The following GAB3 variants were observed in gnomAD, a reference collection of about 807,000 sequenced individuals.
The protein encoded by GAB3 is GRB2 associated binding protein 3.
In GAB3, 12 loss-of-function variants were observed where a neutral mutation model predicts 40.4. That is an observed-to-expected ratio of 0.30 (90% CI 0.19 to 0.48). The LOEUF (loss-of-function observed/expected upper bound fraction) is 0.48, where lower values mean the gene tolerates loss of function less well. GAB3 is among the 20% of genes least tolerant of loss of function. The pLI is 0.99. For synonymous variants in GAB3, 154 were observed against 176.7 expected, an observed-to-expected ratio of 0.87 and a Z score of 1.02; for missense variants, 381 against 461.9, an observed-to-expected ratio of 0.82 and a Z score of 1.61.
At chrX:154,688,261 T>G (rs781923001) in intron 8 of GAB3, among the ~76,000 whole-genome samples, 2 of 109,942 alleles carry the variant, frequency 1.8e-5, no homozygotes, top group East Asian at 5.7e-4. Context: ...ATTGGAGGAC[T>G]TGGGTTTTTT....
intron 9 of GAB3, chrX:154,679,457 C>A (rs2070344588): frequency 4.9e-6 from 1 of 202,956 alleles, no homozygotes; most frequent in Non-Finnish European, 9.4e-6. Context: ...CAGCTTTTCT[C>A]CAGTCTCATA....
rs371001859 is a variant in GAB3 at position 154,678,100 on chromosome X, C to CAAA, written c.*75_*77dup. 80 of 405,197 alleles carry CAAA rather than the reference C, an allele frequency of 2.0e-4. No individual in the cohort carries two copies. The highest frequency in any genetic ancestry group is 3.4e-4 in the Admixed American group (7 of 20,547). The allele number at this position is 405,197 out of a possible 1,213,427, so 33.4% of individuals were successfully genotyped here. Reference sequence around the variant, plus strand: ...TGACCATCAGTGTGTTTTTAGTGGACAAAAAAAAAAAAAAAAGAAAAAACT... The same window carrying CAAA: ...TGACCATCAGTGTGTTTTTAGTGGACAAAAAAAAAAAAAAAAAAAGAAAAAACT... On this transcript the variant is annotated 3_prime_UTR_variant, in exon 10 of 10. Transcript: ENST00000424127.
chrX:154,745,405 T>C (rs919661014), intron 1 of GAB3, among the ~76,000 whole-genome samples: 8 of 109,598 alleles, frequency 7.3e-5, no homozygotes, highest in African/African-American at 2.7e-4. Context: ...AAATCAGTAA[T>C]TTAAGTTTCC....
At chrX:154,685,196 A>C (rs1229027461) in intron 8 of GAB3, among the ~76,000 whole-genome samples, 4 of 111,471 alleles carry the variant, frequency 3.6e-5, no homozygotes, top group Non-Finnish European at 5.7e-5. Flanking sequence ...TTTCTCATTT[A>C]TTTCTTTAAA....
chrX:154,680,571 CTTA>C (rs2070359981), intron 8 of GAB3, among the ~76,000 whole-genome samples: 1 of 112,183 alleles, frequency 8.9e-6, no homozygotes, highest in African/African-American at 3.2e-5. Context: ...ATCAACTATA[CTTA>C]TTAAAGTTCT....
At chrX:154,744,742 T>C (rs1218959245) in intron 1 of GAB3, among the ~76,000 whole-genome samples, 3 of 112,485 alleles carry the variant, frequency 2.7e-5, no homozygotes, top group Non-Finnish European at 3.8e-5. Flanking sequence ...AATACATATT[T>C]TTTCAAGTGC....
In GAB3 at chrX:154,712,407, T is replaced by G; in HGVS notation, c.891A>C (p.Gly297=). ...TGGACATAATGTCTAGTTCTTTTGC[T>G]CCACAGGGTAAGGAACCTTGATTTT... The part of the protein sequence containing the change: ...VDKNQGSLPC[G]AKELDIMSNT... Residue 297 remains glycine (G), a synonymous_variant, in exon 4 of 10, where the codon GGA becomes GGC. Transcript: ENST00000424127. 8.3e-7 allele frequency: 1 copy of G among 1,211,598 alleles called. No homozygotes were observed. The highest frequency in any genetic ancestry group is 1.1e-6 in the Non-Finnish European group (1 of 895,405).
intron 9 of GAB3, among the ~76,000 whole-genome samples, chrX:154,678,732 T>A (rs1569557093): frequency 8.9e-6 from 1 of 112,005 alleles, no homozygotes; most frequent in Non-Finnish European, 1.9e-5. Flanking sequence ...GATCTGATAG[T>A]TTTATAAGGG....
Position 154,712,678 on chromosome X carries a change from C to T in GAB3, c.620G>A (p.Trp207Ter). The change falls in exon 4 of 10, where the codon TGG becomes TAG. Residue 207 changes from tryptophan (W) to a stop codon, truncating the protein, a stop_gained. Transcript: ENST00000424127. LOFTEE classifies it high-confidence loss of function. The stretch of plus-strand genomic sequence containing the variant: ...TTCCAATGAACGGTCTGAGTTTGAC[C>T]AGCTATCACATCTGGTGGGTAGACT... ...HTSLPTRCDS[W>*]SNSDRSLEQA... 1 of 1,122,265 alleles carries T rather than the reference C, an allele frequency of 8.9e-7. No homozygotes were observed. Among genetic ancestry groups the T allele is most frequent in the Non-Finnish European group, 1.2e-6 (1 of 850,622 alleles). The allele number at this position is 1,122,265 out of a possible 1,213,427, so 92.5% of individuals were successfully genotyped here.
intron 4 of GAB3, among the ~76,000 whole-genome samples, chrX:154,704,276 G>A (rs782214826): frequency 1.0e-3 from 112 of 110,139 alleles, no homozygotes; most frequent in African/African-American, 3.5e-3. Context: ...GGGGCTGTGG[G>A]GGAAGTGGGG....
intron 1 of GAB3, among the ~76,000 whole-genome samples, chrX:154,735,925 C>T (rs1449230600): frequency 8.9e-6 from 1 of 112,573 alleles, no homozygotes; most frequent in African/African-American, 3.2e-5. Flanking sequence ...GCTTCAGAGG[C>T]TGTACATTGT....
At chrX:154,701,398 A>G (rs782238548) in intron 4 of GAB3, among the ~76,000 whole-genome samples, 15 of 112,653 alleles carry the variant, frequency 1.3e-4, no homozygotes, top group African/African-American at 4.8e-4. Context: ...ACATAGGTAT[A>G]ATCCATGTGC....
intron 8 of GAB3, among the ~76,000 whole-genome samples, chrX:154,690,154 C>CA (rs1569557216): frequency 1.1e-4 from 12 of 108,352 alleles, no homozygotes; most frequent in African/African-American, 4.0e-4. Flanking sequence ...CTGAGAAAAA[C>CA]AAGCAATGGG....
chrX:154,707,032 C>T (rs2070821513), intron 4 of GAB3, among the ~76,000 whole-genome samples: 1 of 109,885 alleles, frequency 9.1e-6, no homozygotes, highest in South Asian at 3.8e-4. Context: ...GGTATGAAAA[C>T]AGACACATAG....
At chrX:154,735,648 A>T (rs1021869011) in intron 1 of GAB3, among the ~76,000 whole-genome samples, 7 of 112,175 alleles carry the variant, frequency 6.2e-5, no homozygotes, top group Admixed American at 1.9e-4. Flanking sequence ...GTATCACTGC[A>T]CTAGCCCCTC....
At chrX:154,687,633 C>CAA (rs144999605) in intron 8 of GAB3, among the ~76,000 whole-genome samples, 170 of 22,797 alleles carry the variant, frequency 7.5e-3, no homozygotes, top group Middle Eastern at 0.028. Context: ...GACTCTGTCT[C>CAA]AAAAAAAAAA....
Position 154,712,343 on chromosome X carries a change from A to C in GAB3, c.955T>G (p.Ser319Ala), listed in dbSNP as rs1557256284. Residue 319 changes from serine (S) to alanine (A), a missense_variant, in exon 4 of 10, where the codon TCT (serine) becomes GCT (alanine). Physicochemically the swap from Ser to Ala is moderately conservative, Grantham distance 99. This residue lies in a region of GAB3 where 364 missense variants were observed against 421.0 expected (regional missense o/e 0.86). Transcript: ENST00000424127. ...CTCCACTCCTCTTGGCGCCGTTCAGACAGATGGCTTGGCTTAGGGGGGCGG... is the reference window on the plus strand; with the variant it reads ...CTCCACTCCTCTTGGCGCCGTTCAGCCAGATGGCTTGGCTTAGGGGGGCGG... ...PPRPPKPSHL[S>A]ERRQEEWSTH... 5.8e-6 allele frequency: 7 copies of C among 1,211,911 alleles called. No homozygotes were observed. The highest frequency in any genetic ancestry group is 7.8e-6 in the Non-Finnish European group (7 of 895,352).
intron 1 of GAB3, among the ~76,000 whole-genome samples, chrX:154,739,433 GATGGAACT>G (rs1245222700): frequency 1.8e-5 from 2 of 112,030 alleles, no homozygotes; most frequent in Non-Finnish European, 3.8e-5. Context: ...CAGCAACACG[GATGGAACT>G]GGAGGTTATT....
At chrX:154,712,798 G>A (rs2070975910) in intron 3 of GAB3, 97 bp from the exon 4 acceptor site, 1 of 481,532 alleles carries the variant, frequency 2.1e-6, no homozygotes, top group Non-Finnish European at 3.3e-6. Context: ...GTACCACCTT[G>A]CTTGCTACTT....
Sources: allele counts gnomAD v4.1 joint callset (sites outside exome capture counted in the v4.1 genomes callset), GRCh38; gene constraint gnomAD v4.1.1; regional missense constraint gnomAD v4.1.1; transcripts MANE v1.5; gene names NCBI Gene and HGNC (gene_info 2026-07-23, HGNC 2026-07-21).